USP42: variants seen among roughly 807,000 people sequenced by gnomAD.
The protein encoded by USP42 is ubiquitin carboxyl-terminal hydrolase 42.
In USP42, 23 loss-of-function variants were observed where a neutral mutation model predicts 113.0. The ratio of observed to expected loss-of-function variants is 0.20; its 90% CI spans 0.15 to 0.29. The LOEUF is 0.29. USP42 is among the 10% of genes least tolerant of loss of function. The probability of loss-of-function intolerance (pLI) is 1.00; values close to 1 mark genes in which losing one functional copy is unlikely to be tolerated. For synonymous variants in USP42, 933 were observed against 699.0 expected, an observed-to-expected ratio of 1.33 and a Z score of -5.28; for missense variants, 2,174 against 1,779.8, an observed-to-expected ratio of 1.22 and a Z score of -3.99.
the USP42 span, among the ~76,000 whole-genome samples, chr7:6,097,903 T>C: frequency 3.1e-5 from 3 of 95,426 alleles, no homozygotes; most frequent in Admixed American, 2.2e-4. Context: ...TTTTTCTTTC[T>C]TTTCTTTTTT....
Position 6,149,571 on chromosome 7 carries a change from G to A in USP42, c.1387-12G>A, listed in dbSNP as rs763666229. 2 of 1,607,318 alleles carry A rather than the reference G, an allele frequency of 1.2e-6. No individual in the cohort carries two copies. Among genetic ancestry groups the A allele is most frequent in the Non-Finnish European group, 1.7e-6 (2 of 1,175,518 alleles). On this transcript the variant is annotated splice_polypyrimidine_tract_variant and intron_variant, in intron 12 of 17. Transcript: ENST00000306177. ...CTGGAGCTCTGACCAGGTGCGCTCT[G>A]CTTACTTCCAGAATCCACCTCACTT...
chr7:6,145,696 A>T (rs531297082), intron 10 of USP42, 40 bp downstream of exon 10: 1 of 1,590,530 alleles, frequency 6.3e-7, no homozygotes, highest in Middle Eastern at 1.7e-4. Context: ...TGTTACATAC[A>T]TGCTATAAGA....
rs116531086 is a variant in USP42, at chr7:6,134,950, C to G, written c.443-891C>G. 3.1e-3 allele frequency among the ~76,000 whole-genome samples: 479 copies of G among 152,084 alleles called. 3 individuals are homozygous for G. Among genetic ancestry groups the G allele is most frequent in the African/African-American group, 0.011 (466 of 41,508 alleles). On this transcript the variant is annotated intron_variant, in intron 3 of 17. Coordinates refer to ENST00000306177, the MANE Select transcript of USP42 (RefSeq NM_032172.3). ...TACAGGCTTGTGCCACCACACTGGG[C>G]TAATTTTCTTTTTATTTTTTGTAGA...
chr7:6,154,742 A>G lies in USP42; in HGVS notation c.3188A>G (p.His1063Arg), dbSNP rs1446188435. The G allele has an allele frequency of 1.9e-6, 3 of 1,575,852 alleles. No homozygotes were observed. Among genetic ancestry groups the G allele is most frequent in the East Asian group, 2.3e-5 (1 of 42,572 alleles). ...CGCTGGGACAGGTGCCGGTACTACCATGACAGGTACGCCCTGTACGCTGCC... is the reference window on the plus strand; with the variant it reads ...CGCTGGGACAGGTGCCGGTACTACCGTGACAGGTACGCCCTGTACGCTGCC... ...RPRWDRCRYY[H>R]DRYALYAARD... Residue 1063 changes from histidine to arginine, a missense_variant, in exon 15 of 18, where the codon CAT becomes CGT. By Grantham distance (29) the His-to-Arg change is conservative. Transcript: ENST00000306177.
intron 15 of USP42, among the ~76,000 whole-genome samples, chr7:6,156,324 C>T (rs1055854537): frequency 1.3e-5 from 2 of 152,182 alleles, no homozygotes; most frequent in Non-Finnish European, 2.9e-5. Context: ...TAGCAGAATC[C>T]TCCCTGCAGT....
chr7:6,092,115 T>TTCC, the USP42 span, among the ~76,000 whole-genome samples: 2 of 143,984 alleles, frequency 1.4e-5, no homozygotes, highest in African/African-American at 5.5e-5. Context: ...CTTCTTCTTC[T>TTCC]TCCTCTTCCT....
chr7:6,155,141 A>G lies in USP42; in HGVS notation c.3587A>G (p.Lys1196Arg). The G allele has an allele frequency of 6.5e-7, 1 of 1,549,690 alleles. No individual in the cohort carries two copies. Among genetic ancestry groups the G allele is most frequent in the Non-Finnish European group, 8.7e-7 (1 of 1,148,088 alleles). Residue 1196 changes from lysine (K) to arginine (R), a missense_variant, in exon 15 of 18, where the codon AAA becomes AGA. Coordinates refer to ENST00000306177, the MANE Select transcript of USP42 (RefSeq NM_032172.3). ...GAAGAGCCTAAAGCAAAGAAGCACA[A>G]AAAATCAAAGAAGAAAAAGAAATCC... ...PLEEPKAKKHKKSKKKKKSKD... is the reference protein window; with the variant it reads ...PLEEPKAKKHRKSKKKKKSKD...
chr7:6,116,986 C>G (rs956396388), intron 3 of USP42: 1 of 430,158 alleles, frequency 2.3e-6, no homozygotes, highest in African/African-American at 2.1e-5. Flanking sequence ...TGCTTCCTCC[C>G]TCCCTCCCTT....
chr7:6,127,486 GTTTT>G (rs1199351279), intron 3 of USP42, among the ~76,000 whole-genome samples: 9 of 151,698 alleles, frequency 5.9e-5, no homozygotes, highest in Non-Finnish European at 1.0e-4. Flanking sequence ...TTTGAGCTGA[GTTTT>G]TTTGTCTGGA....
chr7:6,155,376 G>T (rs1399125047), intron 15 of USP42, among the ~76,000 whole-genome samples, 181 bp downstream of exon 15: 1 of 152,144 alleles, frequency 6.6e-6, no homozygotes, highest in Admixed American at 6.5e-5. Flanking sequence ...GTAAAAATTT[G>T]CCCTGCTTTG....
At chr7:6,082,603 GTTTTTTTTTTT>G in the USP42 span, among the ~76,000 whole-genome samples, 119 of 90,182 alleles carry the variant, frequency 1.3e-3, no homozygotes, top group Non-Finnish European at 1.6e-3. Flanking sequence ...CTTTCTTTCT[GTTTTTTTTTTT>G]TTTTTTTTTT....
chr7:6,132,650 A>G (rs577411648), intron 3 of USP42, among the ~76,000 whole-genome samples: 588 of 148,996 alleles, frequency 3.9e-3, no homozygotes, highest in Non-Finnish European at 5.8e-3. Flanking sequence ...TGAGCCACCA[A>G]GCCAGCCTAT....
At chr7:6,084,720 C>CT in the USP42 span, 822 of 139,840 alleles carry the variant, frequency 5.9e-3, 34 homozygotes, top group African/African-American at 0.015. Context: ...CGCAAGGACT[C>CT]TTTTTTTTTT....
At chr7:6,111,518 GT>G (rs1306496353) in intron 2 of USP42, 144 bp downstream of exon 2, 1 of 929,364 alleles carries the variant, frequency 1.1e-6, no homozygotes, top group African/African-American at 1.7e-5. Flanking sequence ...GATGGGCTTT[GT>G]TTTCCTGTTA....
intron 3 of USP42, among the ~76,000 whole-genome samples, chr7:6,122,745 C>G (rs926307695): frequency 6.7e-6 from 1 of 149,204 alleles, no homozygotes; most frequent in Non-Finnish European, 1.5e-5. Context: ...GCTGGGATTA[C>G]AGGCGTGAGT....
chr7:6,091,752 T>A, the USP42 span, among the ~76,000 whole-genome samples: 1 of 148,474 alleles, frequency 6.7e-6, no homozygotes, highest in Non-Finnish European at 1.5e-5. Flanking sequence ...GGTAAAAAAA[T>A]TTTTTTGGAG....
Position 6,154,020 on chromosome 7 carries a change from G to A in USP42, c.2466G>A (p.Gly822=), listed in dbSNP as rs1341238681. The change falls in exon 15 of 18, where the codon GGG becomes GGA. Residue 822 remains glycine, a synonymous_variant. Coordinates refer to ENST00000306177, the MANE Select transcript of USP42 (RefSeq NM_032172.3). Reference sequence around the variant, plus strand: ...CACCCCCTGACCTGTGTGATCCCGGGAGCTTAACAGGCGATGCGAGCCCGT... The same window carrying A: ...CACCCCCTGACCTGTGTGATCCCGGAAGCTTAACAGGCGATGCGAGCCCGT... ...DTAPPDLCDP[G]SLTGDASPLS... The A allele has an allele frequency of 1.2e-6, 2 of 1,604,378 alleles. No individual in the cohort carries two copies. The highest frequency in any genetic ancestry group is 1.7e-4 in the Middle Eastern group (1 of 6,058).
Position 6,115,414 on chromosome 7 carries a change from T to C in USP42, c.333T>C (p.Ala111=). 6.2e-7 allele frequency: 1 copy of C among 1,614,084 alleles called. No homozygotes were observed. Among genetic ancestry groups the C allele is most frequent in the Non-Finnish European group, 8.5e-7 (1 of 1,179,890 alleles). Residue 111 remains alanine, a synonymous_variant, in exon 3 of 18, where the codon GCT becomes GCC. Coordinates refer to ENST00000306177, the MANE Select transcript of USP42 (RefSeq NM_032172.3). The stretch of plus-strand genomic sequence containing the variant: ...GGCAACAAACTCATAGAGTTGGAGC[T>C]GGGCTCCAGAATTTGGGCAATACCT... ...LKWQQTHRVG[A]GLQNLGNTCF...
intron 4 of USP42, among the ~76,000 whole-genome samples, chr7:6,138,352 G>A (rs1223427895): frequency 6.6e-6 from 1 of 152,128 alleles, no homozygotes; most frequent in Non-Finnish European, 1.5e-5. Context: ...TCTTCTGTAG[G>A]TCATTGGGAT....
Sources: allele counts gnomAD v4.1 joint callset (sites outside exome capture counted in the v4.1 genomes callset), GRCh38; gene constraint gnomAD v4.1.1; transcripts MANE v1.5; gene names NCBI Gene and HGNC (gene_info 2026-07-23, HGNC 2026-07-21).